ADAM32: variants seen among roughly 807,000 people sequenced by gnomAD.
ADAM32 encodes the protein disintegrin and metalloproteinase domain-containing protein 32.
Under a neutral mutation model 114.9 loss-of-function variants are expected in ADAM32, and 89 were observed. That is an observed-to-expected ratio of 0.77 (90% CI 0.65 to 0.92). ADAM32 has a LOEUF of 0.92. Ranked by LOEUF, ADAM32 falls within the 40% of genes least tolerant of loss-of-function variation. ADAM32 has a pLI of 0.00. For missense variants in ADAM32, 870 were observed against 932.8 expected, an observed-to-expected ratio of 0.93 and a Z score of 0.88; for synonymous variants, 285 against 307.5, an observed-to-expected ratio of 0.93 and a Z score of 0.77.
rs768976923 is a variant in ADAM32, at chr8:39,231,993, C to T, written c.1526-34C>T. On this transcript the variant is annotated intron_variant, in intron 14 of 24. Coordinates refer to ENST00000379907, the MANE Select transcript of ADAM32 (RefSeq NM_145004.7). ...TGGAGGAAGATGAAAAACCAATAAA[C>T]ATTTTAATCCAAATGTATTTCTAAC... is the stretch of plus-strand genomic sequence containing the variant. 22 of 1,512,894 alleles carry T rather than the reference C, an allele frequency of 1.5e-5. No individual in the cohort carries two copies. In the East Asian group the frequency reaches 2.5e-4, roughly 17 times the overall value. The allele number at this position is 1,512,894 out of a possible 1,614,324, so 93.7% of individuals were successfully genotyped here.
intron 3 of ADAM32, among the ~76,000 whole-genome samples, chr8:39,145,861 G>T (rs1279763795): frequency 1.3e-5 from 2 of 152,040 alleles, no homozygotes; most frequent in South Asian, 2.1e-4. Context: ...CTCCCAAGTA[G>T]CTGGGACCAC....
At chr8:39,152,720 CAA>C (rs112877602) in intron 6 of ADAM32, among the ~76,000 whole-genome samples, 18 of 136,876 alleles carry the variant, frequency 1.3e-4, no homozygotes, top group African/African-American at 5.6e-4. Flanking sequence ...GACTCCATCT[CAA>C]AAAAAAAAAA....
chr8:39,129,934 TA>T, intron 2 of ADAM32: 1 of 383,062 alleles, frequency 2.6e-6, no homozygotes, highest in Non-Finnish European at 5.1e-6. Context: ...TATGTTGGCA[TA>T]AAATTGTACA....
intron 11 of ADAM32, among the ~76,000 whole-genome samples, chr8:39,193,986 G>C (rs1428404005): frequency 2.6e-5 from 4 of 152,226 alleles, no homozygotes; most frequent in African/African-American, 9.6e-5. Context: ...TGTGCCAACA[G>C]CAGTGGCGGT....
rs192952029 is a variant in ADAM32 at position 39,258,833 on chromosome 8, T to C, written c.2162+1490T>C. On this transcript the variant is annotated intron_variant, in intron 19 of 24. Coordinates refer to ENST00000379907, the MANE Select transcript of ADAM32 (RefSeq NM_145004.7). ...ATTGTTGAAATTTTCGCTTCAGATA[T>C]TCTGAGGCAGTGACTAAATGCATAA... Among the ~76,000 whole-genome samples, 12 of 152,322 alleles carry C rather than the reference T, an allele frequency of 7.9e-5. No individual in the cohort carries two copies. The East Asian group carries it at 2.3e-3, about 29-fold the overall frequency.
intron 3 of ADAM32, among the ~76,000 whole-genome samples, chr8:39,138,570 G>T (rs1200046791): frequency 6.6e-6 from 1 of 152,018 alleles, no homozygotes; most frequent in African/African-American, 2.4e-5. Context: ...ATCCATTCTA[G>T]CATTGATGGA....
At chr8:39,118,659 G>A (rs34002881) in intron 2 of ADAM32, among the ~76,000 whole-genome samples, 35,632 of 152,000 alleles carry the variant, frequency 0.23, 4,331 homozygotes, top group South Asian at 0.31. Context: ...CTATATGCCA[G>A]GTGTCTTAGG....
chr8:39,107,603 C>A, upstream of ADAM32: 1 of 1,440,534 alleles, frequency 6.9e-7, no homozygotes, highest in Non-Finnish European at 9.1e-7. Flanking sequence ...GCGCACGCTG[C>A]GGGCCCTTCG....
At chr8:39,123,370 A>C (rs1423103040) in intron 2 of ADAM32, among the ~76,000 whole-genome samples, 1 of 152,074 alleles carries the variant, frequency 6.6e-6, no homozygotes, top group Non-Finnish European at 1.5e-5. Flanking sequence ...AACAACTAAA[A>C]ATACCTCTAT....
chr8:39,265,001 T>C (rs905480694), intron 19 of ADAM32, among the ~76,000 whole-genome samples: 1 of 152,220 alleles, frequency 6.6e-6, no homozygotes, highest in Admixed American at 6.5e-5. Context: ...TAGGTCTACT[T>C]GGTCAAGTGC....
chr8:39,180,256 T>C (rs565153546), intron 10 of ADAM32, among the ~76,000 whole-genome samples: 1 of 152,324 alleles, frequency 6.6e-6, no homozygotes, highest in East Asian at 1.9e-4. Flanking sequence ...GCTTAGCACC[T>C]GGGCCAGCGG....
rs1054982796 is a variant in ADAM32 at position 39,248,633 on chromosome 8, A to G, written c.1902+2467A>G. ...ATTGGTGTTTATGTCATATATGAAC[A>G]AAGACAGTTTTATTTCTTTCTTCCC... On this transcript the variant is annotated intron_variant, in intron 17 of 24. Coordinates refer to ENST00000379907, the MANE Select transcript of ADAM32 (RefSeq NM_145004.7). 2.0e-5 allele frequency among the ~76,000 whole-genome samples: 3 copies of G among 152,196 alleles called. No homozygotes were observed. The East Asian group carries it at 5.8e-4, about 29-fold the overall frequency.
intron 11 of ADAM32, among the ~76,000 whole-genome samples, chr8:39,196,545 C>G (rs1421055738): frequency 6.6e-6 from 1 of 151,912 alleles, no homozygotes; most frequent in African/African-American, 2.4e-5. Flanking sequence ...TATCATGAAG[C>G]CATGTTGAAA....
At chr8:39,201,680 A>G (rs556573621) in intron 11 of ADAM32, among the ~76,000 whole-genome samples, 15 of 152,128 alleles carry the variant, frequency 9.9e-5, no homozygotes, top group Admixed American at 9.2e-4. Context: ...TACGAGTGGT[A>G]AGAGAGGGCA....
At chr8:39,240,627 C>A (rs1329777930) in intron 16 of ADAM32, among the ~76,000 whole-genome samples, 1 of 152,142 alleles carries the variant, frequency 6.6e-6, no homozygotes, top group Non-Finnish European at 1.5e-5. Flanking sequence ...ACAATCATGG[C>A]AGAAGGTGAA....
chr8:39,130,702 C>T (rs1204855805), intron 2 of ADAM32, among the ~76,000 whole-genome samples: 1 of 151,754 alleles, frequency 6.6e-6, no homozygotes, highest in African/African-American at 2.4e-5. Context: ...TGAGGATTTC[C>T]TAGGTTTTGT....
chr8:39,107,626 T>G, upstream of ADAM32: 1 of 1,475,474 alleles, frequency 6.8e-7, no homozygotes, highest in Non-Finnish European at 8.9e-7. Context: ...TTCCGGACGC[T>G]AAACACCGAG....
intron 16 of ADAM32, among the ~76,000 whole-genome samples, chr8:39,244,123 C>G (rs1022580663): frequency 6.6e-6 from 1 of 152,076 alleles, no homozygotes; most frequent in Non-Finnish European, 1.5e-5. Context: ...ATAGATGACA[C>G]AAACAAATGA....
intron 21 of ADAM32, among the ~76,000 whole-genome samples, chr8:39,274,634 G>A (rs528811855): frequency 1.7e-3 from 266 of 152,246 alleles, no homozygotes; most frequent in African/African-American, 6.2e-3. Context: ...AATGTATAGG[G>A]CCTAGAAGTT....
Sources: gnomAD v4.1 joint callset for allele counts (sites outside exome capture counted in the v4.1 genomes callset) on GRCh38, gnomAD v4.1.1 for gene constraint, MANE v1.5 for transcripts, NCBI Gene and HGNC (gene_info 2026-07-23, HGNC 2026-07-21) for gene names.